Variants in DCC observed in about 807,000 individuals in gnomAD.
DCC encodes the protein netrin receptor DCC.
Under a neutral mutation model 172.5 loss-of-function variants are expected in DCC, and 58 were observed. The observed-to-expected ratio is 0.34, with a 90% confidence interval of 0.27 to 0.42. The LOEUF is 0.42. Ranked by LOEUF, DCC falls within the 10% of genes least tolerant of loss-of-function variation. DCC has a pLI of 1.00. For missense variants in DCC, 1,740 were observed against 1,791.0 expected (o/e 0.97, Z 0.51); for synonymous variants, 709 against 644.5 (o/e 1.10, Z -1.52).
chr18:52,530,819 T>C (rs1488795009), intron 1 of DCC, among the ~76,000 whole-genome samples: 1 of 152,160 alleles, frequency 6.6e-6, no homozygotes, highest in Admixed American at 6.5e-5. Flanking sequence ...TCACAGTGGA[T>C]GAAAAATACT....
chr18:53,007,726 A>T (rs2041666831), intron 5 of DCC, among the ~76,000 whole-genome samples: 1 of 152,122 alleles, frequency 6.6e-6, no homozygotes, highest in Non-Finnish European at 1.5e-5. Flanking sequence ...CAAAATTTCC[A>T]TTAAGTAGCT....
At chr18:53,300,846 A>AGAAGGAGG in intron 12 of DCC, among the ~76,000 whole-genome samples, 1 of 152,160 alleles carries the variant, frequency 6.6e-6, no homozygotes, top group Middle Eastern at 3.4e-3. Flanking sequence ...TAGATCTGGA[A>AGAAGGAGG]GAAGGAGGTT....
chr18:53,449,672 A>G (rs940042451), intron 22 of DCC, among the ~76,000 whole-genome samples: 8 of 152,176 alleles, frequency 5.3e-5, no homozygotes, highest in African/African-American at 1.9e-4. Flanking sequence ...AGGAATTCTT[A>G]TGGTACAAAG....
chr18:53,233,957 T>C (rs995496209), intron 12 of DCC, among the ~76,000 whole-genome samples: 1 of 151,562 alleles, frequency 6.6e-6, no homozygotes, highest in African/African-American at 2.4e-5. Flanking sequence ...CTACTAAAAA[T>C]ACAAAAATTA....
intron 15 of DCC, among the ~76,000 whole-genome samples, chr18:53,366,435 C>T (rs2144945634): frequency 6.6e-6 from 1 of 152,064 alleles, no homozygotes; most frequent in Non-Finnish European, 1.5e-5. Flanking sequence ...ATTTTAAGTT[C>T]TTACTATATG....
chr18:52,732,346 G>GGAGGGCC (rs2036655536), intron 1 of DCC, among the ~76,000 whole-genome samples: 1 of 152,090 alleles, frequency 6.6e-6, no homozygotes, highest in Non-Finnish European at 1.5e-5. Flanking sequence ...AAAAAGTAAA[G>GGAGGGCC]AATTCTAAAA....
At chr18:52,733,854 G>A (rs1415589634) in intron 1 of DCC, among the ~76,000 whole-genome samples, 1 of 152,062 alleles carries the variant, frequency 6.6e-6, no homozygotes, top group Non-Finnish European at 1.5e-5. Flanking sequence ...ACAACATTAA[G>A]ATGAGAATGA....
chr18:52,544,614 C>A (rs1354034609), intron 1 of DCC, among the ~76,000 whole-genome samples: 1 of 152,074 alleles, frequency 6.6e-6, no homozygotes, highest in Non-Finnish European at 1.5e-5. Context: ...CTCTGCTATT[C>A]CATGCATGTC....
intron 5 of DCC, among the ~76,000 whole-genome samples, chr18:53,051,643 C>G (rs1213493761): frequency 6.6e-6 from 1 of 152,074 alleles, no homozygotes; most frequent in Admixed American, 6.6e-5. Context: ...TCTTGGGTAA[C>G]ATTACTCCAT....
chr18:52,676,318 G>A (rs549192831), intron 1 of DCC, among the ~76,000 whole-genome samples: 1 of 152,308 alleles, frequency 6.6e-6, no homozygotes, highest in African/African-American at 2.4e-5. Context: ...AAGTACTCGG[G>A]AAGGCATGCA....
chr18:53,323,502 T>C (rs2057434118), intron 14 of DCC, among the ~76,000 whole-genome samples: 1 of 152,194 alleles, frequency 6.6e-6, no homozygotes, highest in Admixed American at 6.6e-5. Flanking sequence ...AAGAAACACT[T>C]GGTTCTTTTC....
chr18:53,057,978 G>A (rs1265243860), intron 5 of DCC, among the ~76,000 whole-genome samples: 2 of 151,992 alleles, frequency 1.3e-5, no homozygotes, highest in South Asian at 2.1e-4. Flanking sequence ...GCAGAAGAAA[G>A]CTACTCTCAG....
At chr18:53,482,580 T>C (rs1015158179) in intron 25 of DCC, among the ~76,000 whole-genome samples, 1 of 152,084 alleles carries the variant, frequency 6.6e-6, no homozygotes, top group African/African-American at 2.4e-5. Flanking sequence ...TGAAACTCTT[T>C]TTCTAAACGT....
intron 8 of DCC, among the ~76,000 whole-genome samples, chr18:53,162,821 T>G (rs980532464): frequency 6.6e-6 from 1 of 152,212 alleles, no homozygotes; most frequent in Non-Finnish European, 1.5e-5. Context: ...CAAATTTTGT[T>G]TCCCTAATCC....
intron 1 of DCC, among the ~76,000 whole-genome samples, chr18:52,380,781 C>T (rs745446712): frequency 1.3e-5 from 2 of 152,090 alleles, no homozygotes. Context: ...TAGCTTCTTG[C>T]ACCCAATGTA....
At chr18:52,571,839 T>C (rs8094588) in intron 1 of DCC, among the ~76,000 whole-genome samples, 42,428 of 152,154 alleles carry the variant, frequency 0.28, 6,693 homozygotes, top group Middle Eastern at 0.37. Context: ...GACTTCAATA[T>C]GTCCATCAAT....
rs1440525507 is a variant in DCC, at chr18:53,191,302, TATA to T, written c.1573+12194_1573+12196del. ...ACATATTATTTAAGAGCAAAAACAA[TATA>T]ATAATAAATTTAACATATCACTTAC... is the stretch of plus-strand genomic sequence containing the variant. On this transcript the variant is annotated intron_variant, in intron 9 of 28. Coordinates refer to ENST00000442544, the MANE Select transcript of DCC (RefSeq NM_005215.4). Among the ~76,000 whole-genome samples the T allele has an allele frequency of 8.5e-5, 13 of 152,284 alleles. 1 individual carries two copies. In the East Asian group the frequency reaches 2.5e-3, roughly 29 times the overall value.
intron 2 of DCC, among the ~76,000 whole-genome samples, chr18:52,785,176 A>G (rs1598800198): frequency 6.6e-6 from 1 of 152,008 alleles, no homozygotes; most frequent in East Asian, 1.9e-4. Flanking sequence ...TGACACCAGT[A>G]AGATTGGCAC....
intron 9 of DCC, among the ~76,000 whole-genome samples, chr18:53,191,056 A>G (rs754765482): frequency 2.6e-5 from 4 of 152,212 alleles, no homozygotes; most frequent in Non-Finnish European, 5.9e-5. Flanking sequence ...CATAATTTCT[A>G]CTATCTGCTA....
Sources: gnomAD v4.1 joint callset for allele counts (sites outside exome capture counted in the v4.1 genomes callset) on GRCh38, gnomAD v4.1.1 for gene constraint, MANE v1.5 for transcripts, NCBI Gene and HGNC (gene_info 2026-07-23, HGNC 2026-07-21) for gene names.